BBS9: variants seen among roughly 807,000 people sequenced by gnomAD.
The protein encoded by BBS9 is protein PTHB1.
A neutral mutation model predicts 117.7 loss-of-function variants in BBS9; 89 were observed. The observed-to-expected ratio is 0.76, with a 90% confidence interval of 0.64 to 0.90. The LOEUF (loss-of-function observed/expected upper bound fraction) is 0.90. Among genes scored for constraint, BBS9 ranks in the 40% least tolerant of loss-of-function variants. BBS9 has a pLI of 0.00. For missense variants in BBS9, 982 were observed against 1,042.2 expected (o/e 0.94, Z 0.80); for synonymous variants, 379 against 370.9 (o/e 1.02, Z -0.25).
At chr7:33,537,294 C>T (rs1392210972) in intron 21 of BBS9, among the ~76,000 whole-genome samples, 11 of 152,134 alleles carry the variant, frequency 7.2e-5, no homozygotes, top group Admixed American at 4.6e-4. Context: ...TTTGCTCTAG[C>T]GAAGGCCATG....
intron 21 of BBS9, among the ~76,000 whole-genome samples, chr7:33,554,164 G>T (rs1174051088): frequency 6.6e-6 from 1 of 152,120 alleles, no homozygotes; most frequent in African/African-American, 2.4e-5. Context: ...GAGTTAGATT[G>T]TGTAATGTTC....
intron 13 of BBS9, among the ~76,000 whole-genome samples, chr7:33,349,982 G>C (rs1226170503): frequency 6.6e-6 from 1 of 152,078 alleles, no homozygotes; most frequent in Non-Finnish European, 1.5e-5. Context: ...TTGAGGATTT[G>C]ATTAAAAAGT....
At chr7:33,181,809 C>T (rs1218700304) in intron 5 of BBS9, among the ~76,000 whole-genome samples, 7 of 152,150 alleles carry the variant, frequency 4.6e-5, no homozygotes, top group East Asian at 1.9e-4. Flanking sequence ...CTTGGCCGGG[C>T]GTGGTGGCTC....
At chr7:33,265,460 T>C (rs1468992523) in intron 7 of BBS9, among the ~76,000 whole-genome samples, 2 of 152,156 alleles carry the variant, frequency 1.3e-5, no homozygotes, top group Non-Finnish European at 2.9e-5. Context: ...TCTTGAGAGC[T>C]TTACTTTTTT....
rs770734697 is a variant in BBS9 at position 33,349,096 on chromosome 7, A to C, written c.1358A>C (p.Gln453Pro). 6.2e-7 allele frequency: 1 copy of C among 1,612,912 alleles called. No individual in the cohort carries two copies. Among genetic ancestry groups the C allele is most frequent in the South Asian group, 1.1e-5 (1 of 91,056 alleles). Residue 453 changes from glutamine (Q) to proline (P), a missense_variant, in exon 13 of 23, where the codon CAA (glutamine) becomes CCA (proline). Transcript: ENST00000242067. Reference protein sequence around the residue: ...KVTLQNRVILQKAKLSVYVQP... With the variant: ...KVTLQNRVILPKAKLSVYVQP... ...ACACTGCAGAACAGAGTGATATTGC[A>C]AAAAGCCAAATTATCAGTCTACGTG...
intron 21 of BBS9, among the ~76,000 whole-genome samples, chr7:33,543,691 T>G (rs1472753175): frequency 6.6e-6 from 1 of 152,206 alleles, no homozygotes; most frequent in Non-Finnish European, 1.5e-5. Flanking sequence ...TGAAGATCTT[T>G]TTGCGATGAA....
At chr7:33,249,623 A>T (rs1795924952) in intron 5 of BBS9, among the ~76,000 whole-genome samples, 1 of 152,076 alleles carries the variant, frequency 6.6e-6, no homozygotes, top group South Asian at 2.1e-4. Flanking sequence ...AAATCACAAC[A>T]GTTGTTTTTC....
intron 19 of BBS9, among the ~76,000 whole-genome samples, chr7:33,476,576 G>C (rs1841830696): frequency 6.6e-6 from 1 of 152,162 alleles, no homozygotes; most frequent in Non-Finnish European, 1.5e-5. Context: ...TCTCCTCCCA[G>C]TATCCCTCCA....
chr7:33,264,504 A>T (rs910111066), intron 7 of BBS9, 130 bp downstream of exon 7: 2 of 540,500 alleles, frequency 3.7e-6, no homozygotes, highest in South Asian at 3.5e-5. Context: ...TATTATGGTT[A>T]TATTAATGAC....
At chr7:33,297,074 A>G (rs1311468210) in intron 9 of BBS9, among the ~76,000 whole-genome samples, 1 of 152,166 alleles carries the variant, frequency 6.6e-6, no homozygotes, top group Non-Finnish European at 1.5e-5. Flanking sequence ...GAAAGGGAAA[A>G]CATTCTGATT....
rs182149386 is a variant in BBS9 at position 33,619,217 on chromosome 7, G to A, written c.2522-15960G>A. On this transcript the variant is annotated intron_variant, in intron 21 of 21. Transcript: ENST00000671952. ...GCAGGGGTGTCTATACTTACGTCAG[G>A]CAAAATAGACTTTAGTCAAAAAATG... is the stretch of plus-strand genomic sequence containing the variant. Among the ~76,000 whole-genome samples, 343 of 152,054 alleles carry A rather than the reference G, an allele frequency of 2.3e-3. 2 individuals carry two copies. The highest frequency in any genetic ancestry group is 7.8e-3 in the African/African-American group (324 of 41,482).
chr7:33,326,745 T>C (rs1237326038), intron 9 of BBS9, among the ~76,000 whole-genome samples: 3 of 151,948 alleles, frequency 2.0e-5, no homozygotes, highest in African/African-American at 7.3e-5. Flanking sequence ...GTGGGTTCCC[T>C]TCTGGCCCAG....
In BBS9 at chr7:33,155,723, T is replaced by C. The variant is rs1386918466; in HGVS notation, c.328+21T>C. On this transcript the variant is annotated intron_variant, in intron 4 of 22. Transcript: ENST00000242067. ...CTCAGGTAAGAAATATTTTTACCAA[T>C]GTAGAATTTATATTACAAATTGGGC... 7 of 1,101,526 alleles carry C rather than the reference T, an allele frequency of 6.4e-6. 2 individuals are homozygous for C. Among genetic ancestry groups the C allele is most frequent in the Non-Finnish European group, 9.2e-6 (7 of 757,348 alleles). 68.2% of individuals were successfully genotyped at this position (1,101,526 alleles called of 1,614,324 possible). A position where few individuals can be genotyped will look rare whatever the true frequency, so the allele number is the denominator to read the frequency against.
intron 5 of BBS9, among the ~76,000 whole-genome samples, chr7:33,236,251 A>C (rs2128272921): frequency 6.7e-6 from 1 of 148,808 alleles, no homozygotes; most frequent in East Asian, 2.0e-4. Flanking sequence ...GCTTGAACCC[A>C]GGAGGCAGAG....
chr7:33,293,994 C>T (rs1289767090), intron 9 of BBS9, among the ~76,000 whole-genome samples: 2 of 152,014 alleles, frequency 1.3e-5, no homozygotes, highest in Admixed American at 6.6e-5. Flanking sequence ...TAATGTGGGG[C>T]ATCTTAAAGA....
intron 5 of BBS9, among the ~76,000 whole-genome samples, chr7:33,183,978 T>C (rs900942612): frequency 3.3e-5 from 5 of 152,196 alleles, no homozygotes; most frequent in African/African-American, 1.2e-4. Context: ...AAAACATTTA[T>C]AGCAGAAAGT....
At chr7:33,206,754 C>T (rs1341367981) in intron 5 of BBS9, among the ~76,000 whole-genome samples, 3 of 152,110 alleles carry the variant, frequency 2.0e-5, no homozygotes, top group African/African-American at 7.2e-5. Flanking sequence ...GTCAATTGGT[C>T]TAATAATATA....
chr7:33,360,824 C>T (rs1820487846), intron 16 of BBS9, among the ~76,000 whole-genome samples: 1 of 152,126 alleles, frequency 6.6e-6, no homozygotes, highest in African/African-American at 2.4e-5. Flanking sequence ...TGTGCCTGGC[C>T]AAGACATTTC....
At chr7:33,225,103 G>A (rs1000558941) in intron 5 of BBS9, among the ~76,000 whole-genome samples, 2 of 152,194 alleles carry the variant, frequency 1.3e-5, no homozygotes, top group Non-Finnish European at 2.9e-5. Context: ...ATCCTTTGAA[G>A]ATGACAAATT....
Sources: gnomAD v4.1 joint callset for allele counts (sites outside exome capture counted in the v4.1 genomes callset) on GRCh38, gnomAD v4.1.1 for gene constraint, MANE v1.5 for transcripts, NCBI Gene and HGNC (gene_info 2026-07-23, HGNC 2026-07-21) for gene names.